CETP: variants seen among roughly 807,000 people sequenced by gnomAD.
CETP encodes the protein cholesteryl ester transfer protein.
Under a neutral mutation model 66.5 loss-of-function variants are expected in CETP, and 56 were observed. That is an observed-to-expected ratio of 0.84 (90% CI 0.68 to 1.05). The LOEUF (loss-of-function observed/expected upper bound fraction) is 1.05. Ranked by LOEUF, CETP falls within the 50% of genes least tolerant of loss-of-function variation. The pLI is 0.00. For missense variants in CETP, 612 were observed against 609.6 expected (o/e 1.00, Z -0.04); for synonymous variants, 251 against 245.7 (o/e 1.02, Z -0.20).
At chr16:56,971,859 G>A (rs562738296) in intron 7 of CETP, 133 bp from the exon 8 acceptor site, 13 of 796,794 alleles carry the variant, frequency 1.6e-5, no homozygotes, top group African/African-American at 3.3e-5. Flanking sequence ...ACCCCTCCCC[G>A]CACACCCAGG....
chr16:56,976,969 C>T (rs533463324), intron 10 of CETP, among the ~76,000 whole-genome samples: 8 of 152,094 alleles, frequency 5.3e-5, no homozygotes, highest in Non-Finnish European at 1.2e-4. Context: ...AGTGCAGTGG[C>T]GCAATCTCAG....
At chr16:56,982,014 G>A (rs2056191777) in intron 13 of CETP, 151 bp from the exon 14 acceptor site, 1 of 771,238 alleles carries the variant, frequency 1.3e-6, no homozygotes, top group Non-Finnish European at 2.2e-6. Context: ...CTCAGGAAGG[G>A]CACCGTCTGG....
chr16:56,981,234 T>G lies in CETP; in HGVS notation c.1214+9T>G, dbSNP rs753668329. ...AGCCTCTTGGATTTCCAGTATGTGCTGCAGAGAAGAGAGGGGGCGGTCAAC... is the reference window on the plus strand; with the variant it reads ...AGCCTCTTGGATTTCCAGTATGTGCGGCAGAGAAGAGAGGGGGCGGTCAAC... On this transcript the variant is annotated intron_variant, in intron 12 of 15. Transcript: ENST00000200676. The G allele has an allele frequency of 6.2e-7, 1 of 1,607,444 alleles. No homozygotes were observed. The highest frequency in any genetic ancestry group is 2.2e-5 in the East Asian group (1 of 44,846).
intron 2 of CETP, among the ~76,000 whole-genome samples, chr16:56,965,034 T>C (rs1308580708): frequency 1.3e-5 from 2 of 152,202 alleles, no homozygotes; most frequent in Non-Finnish European, 2.9e-5. Flanking sequence ...AAGGCTGCGG[T>C]GAGCTATGAT....
intron 8 of CETP, among the ~76,000 whole-genome samples, chr16:56,972,760 T>A (rs1204360414): frequency 6.6e-6 from 1 of 152,168 alleles, no homozygotes; most frequent in African/African-American, 2.4e-5. Flanking sequence ...AAAAGTTAAG[T>A]GGTACAGAAT....
chr16:56,966,013 C>T (rs1431916199), intron 2 of CETP, among the ~76,000 whole-genome samples: 1 of 152,238 alleles, frequency 6.6e-6, no homozygotes, highest in Non-Finnish European at 1.5e-5. Context: ...AACTCCCACC[C>T]TCCATCTGGT....
chr16:56,982,809 G>A (rs1292314624), intron 14 of CETP, among the ~76,000 whole-genome samples: 1 of 152,140 alleles, frequency 6.6e-6, no homozygotes, highest in African/African-American at 2.4e-5. Flanking sequence ...TTGAACATCT[G>A]CTTGTCCACA....
chr16:56,965,365 C>A (rs1362505874), intron 2 of CETP, among the ~76,000 whole-genome samples: 1 of 152,144 alleles, frequency 6.6e-6, no homozygotes, highest in Non-Finnish European at 1.5e-5. Context: ...GATGAGAATT[C>A]TTCACACTAT....
At chr16:56,969,815 G>A in intron 4 of CETP, 99 bp from the exon 5 acceptor site, 1 of 1,534,978 alleles carries the variant, frequency 6.5e-7, no homozygotes, top group Non-Finnish European at 8.9e-7. Context: ...GCAGGGGTGG[G>A]GACCCCAGAG....
intron 13 of CETP, among the ~76,000 whole-genome samples, chr16:56,981,936 G>A (rs1177734308): frequency 2.0e-5 from 3 of 152,148 alleles, no homozygotes; most frequent in Admixed American, 6.6e-5. Flanking sequence ...GCGCCTCCCT[G>A]GACCTCAATT....
At chr16:56,963,534 G>T (rs1442035290) in intron 2 of CETP, among the ~76,000 whole-genome samples, 1 of 152,116 alleles carries the variant, frequency 6.6e-6, no homozygotes, top group African/African-American at 2.4e-5. Flanking sequence ...TGAACTCTTG[G>T]CTTAGCCAGT....
chr16:56,963,829 C>T (rs1244287504), intron 2 of CETP, among the ~76,000 whole-genome samples: 1 of 151,760 alleles, frequency 6.6e-6, no homozygotes, highest in African/African-American at 2.4e-5. Flanking sequence ...TCACCACATC[C>T]GCGTAATTTT....
intron 2 of CETP, among the ~76,000 whole-genome samples, chr16:56,963,772 AATTTT>A (rs1223011223): frequency 6.6e-6 from 1 of 151,580 alleles, no homozygotes; most frequent in African/African-American, 2.4e-5. Context: ...GGGTTCAAGG[AATTTT>A]CGTGCCTCAG....
At chr16:56,982,533 C>G (rs12598103) in intron 14 of CETP, among the ~76,000 whole-genome samples, 5,417 of 152,282 alleles carry the variant, frequency 0.036, 224 homozygotes, top group East Asian at 0.13. Context: ...AGCAGAAAGA[C>G]CCCTGGGCTG....
chr16:56,973,867 G>T (rs1026996444), intron 9 of CETP, among the ~76,000 whole-genome samples: 4 of 152,250 alleles, frequency 2.6e-5, no homozygotes, highest in African/African-American at 9.6e-5. Context: ...AAGGGGGTCT[G>T]CATGAGAGGG....
chr16:56,962,206 G>C (rs543076205), intron 1 of CETP, 109 bp downstream of exon 1: 1 of 925,482 alleles, frequency 1.1e-6, no homozygotes, highest in East Asian at 2.4e-5. Context: ...TGCCACACTA[G>C]CCCAGAGAGA....
chr16:56,970,933 T>A, intron 5 of CETP, 100 bp from the exon 6 acceptor site: 1 of 1,099,292 alleles, frequency 9.1e-7, no homozygotes, highest in East Asian at 2.4e-5. Flanking sequence ...GCTACAAGAG[T>A]CAGGGCCAAC....
chr16:56,977,737 A>T lies in CETP; in HGVS notation c.982-354A>T, dbSNP rs1443985608. Among the ~76,000 whole-genome samples, 294 of 152,280 alleles carry T rather than the reference A, an allele frequency of 1.9e-3. 2 individuals are homozygous for T. The highest frequency in any genetic ancestry group is 3.9e-3 in the South Asian group (19 of 4,828). On this transcript the variant is annotated intron_variant, in intron 10 of 15. Transcript: ENST00000200676. ...AGGTCCTGTTCTAAGCTCTTTCCAC[A>T]GATTATCTCATTCCATCCTCAGGAC...
intron 7 of CETP, 49 bp downstream of exon 7, chr16:56,971,430 G>A (rs773282847): frequency 6.6e-7 from 1 of 1,523,320 alleles, no homozygotes; most frequent in East Asian, 2.2e-5. Context: ...GTGGGAGCCA[G>A]AAAGCCACCT....
Sources: allele counts gnomAD v4.1 joint callset (sites outside exome capture counted in the v4.1 genomes callset), GRCh38; gene constraint gnomAD v4.1.1; transcripts MANE v1.5; gene names NCBI Gene and HGNC (gene_info 2026-07-23, HGNC 2026-07-21).